Variants in BLM observed in about 807,000 individuals in gnomAD.
BLM encodes BLM RecQ like helicase, also known as recQ-like DNA helicase BLM.
A neutral mutation model predicts 135.3 loss-of-function variants in BLM; 95 were observed. The observed-to-expected ratio is 0.70, with a 90% CI of 0.59 to 0.83. The LOEUF is 0.83. Ranked by LOEUF, BLM falls within the 40% of genes least tolerant of loss-of-function variation. BLM has a pLI of 0.00. For synonymous variants in BLM, 520 were observed against 589.2 expected (o/e 0.88, Z 1.70); for missense variants, 1,518 against 1,663.9 (o/e 0.91, Z 1.53).
intron 4 of BLM, 131 bp downstream of exon 4, chr15:90,752,077 GCCTC>G: frequency 2.2e-6 from 2 of 899,318 alleles, no homozygotes; most frequent in Non-Finnish European, 3.3e-6. Flanking sequence ...TCAAGTGAAA[GCCTC>G]AAAAAAAAAC....
intron 12 of BLM, among the ~76,000 whole-genome samples, chr15:90,781,585 C>T (rs1896617880): frequency 6.6e-6 from 1 of 152,108 alleles, no homozygotes. Context: ...AAGATCGCAC[C>T]CTTGCACTCC....
chr15:90,763,063 T>G lies in BLM; in HGVS notation c.1980T>G (p.His660Gln). 6.2e-7 allele frequency: 1 copy of G among 1,614,124 alleles called. No homozygotes were observed. Among genetic ancestry groups the G allele is most frequent in the Non-Finnish European group, 8.5e-7 (1 of 1,180,002 alleles). The stretch of plus-strand genomic sequence containing the variant: ...CAAAGGAAATGATGAAGATTTTTCA[T>G]AAAAAATTTGGCCTGCATAATTTTA... ...PHTKEMMKIF[H>Q]KKFGLHNFRT... The change falls in exon 8 of 22, where the codon CAT becomes CAG. Residue 660 changes from histidine (H) to glutamine (Q), a missense_variant. Coordinates refer to ENST00000355112, the MANE Select transcript of BLM (RefSeq NM_000057.4).
chr15:90,720,728 C>G (rs1894742488), intron 1 of BLM, among the ~76,000 whole-genome samples: 1 of 151,834 alleles, frequency 6.6e-6, no homozygotes, highest in South Asian at 2.1e-4. Context: ...TACCACCATG[C>G]CTGGCTAATT....
At chr15:90,766,783 TTGAGA>T in intron 9 of BLM, 122 bp from the exon 10 acceptor site, 1 of 657,338 alleles carries the variant, frequency 1.5e-6, no homozygotes, top group African/African-American at 1.8e-5. Context: ...ACTTGTTATG[TTGAGA>T]TATGTATTTC....
intron 21 of BLM, among the ~76,000 whole-genome samples, chr15:90,814,336 T>C (rs973137313): frequency 6.6e-6 from 1 of 152,158 alleles, no homozygotes; most frequent in East Asian, 1.9e-4. Context: ...GCCGGCCCCA[T>C]GGTTTTGTTT....
intron 1 of BLM, among the ~76,000 whole-genome samples, chr15:90,734,327 G>A (rs1416668150): frequency 6.1e-5 from 9 of 147,670 alleles, no homozygotes; most frequent in South Asian, 4.3e-4. Context: ...TCACCCTGTC[G>A]CCCAGGCTGA....
At chr15:90,779,001 T>G (rs1896551808) in intron 12 of BLM, among the ~76,000 whole-genome samples, 1 of 151,392 alleles carries the variant, frequency 6.6e-6, no homozygotes, top group African/African-American at 2.4e-5. Context: ...TTCTTCTGCC[T>G]CAGCTTCCTG....
At chr15:90,756,335 C>T (rs1235031083) in intron 5 of BLM, among the ~76,000 whole-genome samples, 1 of 152,108 alleles carries the variant, frequency 6.6e-6, no homozygotes. Flanking sequence ...GATCTCCTGA[C>T]CTTGTGATCC....
At chr15:90,769,687 C>G in intron 12 of BLM, 101 bp downstream of exon 12, 1 of 1,374,816 alleles carries the variant, frequency 7.3e-7, no homozygotes, top group Non-Finnish European at 1.0e-6. Context: ...CACCACCCCA[C>G]CCCCACCCCA....
chr15:90,760,300 C>A, intron 6 of BLM, 21 bp downstream of exon 6: 2 of 1,613,678 alleles, frequency 1.2e-6, no homozygotes, highest in Non-Finnish European at 1.7e-6. Flanking sequence ...TTTCCCCCTT[C>A]TGGAATATAT....
rs7167216 is a variant in BLM, at chr15:90,811,291, G to A, written c.3961G>A (p.Val1321Ile). ...AAEELDEEIP[V>I]SSHYFASKTR... ...TGAGGAGCTCGACGAGGAAATACCC[G>A]TATCTTCCCACTACTTTGCAAGTAA... The change falls in exon 21 of 22, where the codon GTA (valine) becomes ATA (isoleucine). Residue 1321 changes from valine (V) to isoleucine (I), a missense_variant. Physicochemically the swap from Val to Ile is conservative, Grantham distance 29. This residue lies in a region of BLM where 153 missense variants were observed against 173.4 expected (regional missense o/e 0.88). Coordinates refer to ENST00000355112, the MANE Select transcript of BLM (RefSeq NM_000057.4). 0.072 allele frequency: 116,351 copies of A among 1,614,020 alleles called. 4,643 individuals carry two copies. The highest frequency in any genetic ancestry group is 0.095 in the African/African-American group (7,147 of 74,996).
chr15:90,753,921 A>C lies in BLM; in HGVS notation c.960-890A>C, dbSNP rs937968470. On this transcript the variant is annotated intron_variant, in intron 4 of 21. Coordinates refer to ENST00000355112, the MANE Select transcript of BLM (RefSeq NM_000057.4). ...ATCTAGAAAGCATATCATTTTCTTT[A>C]ATTATAATGTTATTGTTTAAAAAAT... 5.3e-5 allele frequency among the ~76,000 whole-genome samples: 8 copies of C among 152,236 alleles called. No individual in the cohort carries two copies. The East Asian group carries it at 9.6e-4, about 18-fold the overall frequency.
intron 19 of BLM, among the ~76,000 whole-genome samples, chr15:90,808,156 A>G (rs1012393827): frequency 6.6e-6 from 1 of 152,244 alleles, no homozygotes; most frequent in Non-Finnish European, 1.5e-5. Flanking sequence ...CTTCCCAGAT[A>G]AAGTATACAT....
rs750257178 is a variant in BLM at position 90,790,888 on chromosome 15, T to C, written c.3019+44T>C. The C allele has an allele frequency of 1.6e-5, 25 of 1,558,426 alleles. 1 individual carries two copies. The Admixed American group carries it at 4.2e-4, about 26-fold the overall frequency. ...TAGAGACATTCTGTCATCTTCAGCC[T>C]CATGATAGTAGTCTACTCCTGCTAT... On this transcript the variant is annotated intron_variant, in intron 15 of 21. Coordinates refer to ENST00000355112, the MANE Select transcript of BLM (RefSeq NM_000057.4).
At chr15:90,788,694 C>T (rs1296745117) in intron 14 of BLM, among the ~76,000 whole-genome samples, 1 of 151,798 alleles carries the variant, frequency 6.6e-6, no homozygotes, top group Non-Finnish European at 1.5e-5. Context: ...ATGAAAGGGC[C>T]AGGCATGGTG....
chr15:90,808,612 C>T (rs1051978630), intron 19 of BLM, among the ~76,000 whole-genome samples: 2 of 152,252 alleles, frequency 1.3e-5, no homozygotes, highest in Non-Finnish European at 2.9e-5. Context: ...GCAGAGGACT[C>T]AGCTGGCTGC....
chr15:90,795,899 G>A (rs1029451588), intron 16 of BLM, among the ~76,000 whole-genome samples: 3 of 152,218 alleles, frequency 2.0e-5, no homozygotes, highest in Non-Finnish European at 4.4e-5. Flanking sequence ...TGAGAAGATG[G>A]GAGCTGAGGA....
intron 1 of BLM, among the ~76,000 whole-genome samples, chr15:90,739,220 C>A (rs567203276): frequency 1.3e-5 from 2 of 152,106 alleles, no homozygotes; most frequent in South Asian, 4.2e-4. Context: ...ATGGTGAAAC[C>A]CCGTCTCTAC....
chr15:90,791,490 C>T (rs554545512), intron 15 of BLM, among the ~76,000 whole-genome samples: 21 of 152,188 alleles, frequency 1.4e-4, no homozygotes, highest in African/African-American at 3.9e-4. Flanking sequence ...GCCTGACTAC[C>T]TAGAATTCCG....
Sources: gnomAD v4.1 joint callset for allele counts (sites outside exome capture counted in the v4.1 genomes callset) on GRCh38, gnomAD v4.1.1 for gene constraint, gnomAD v4.1.1 regional missense constraint, MANE v1.5 for transcripts, NCBI Gene and HGNC (gene_info 2026-07-23, HGNC 2026-07-21) for gene names.